The following KCNH1 variants were observed in gnomAD, a reference collection of about 807,000 sequenced individuals.
KCNH1 encodes voltage-gated delayed rectifier potassium channel KCNH1.
KCNH1 carries 27 observed loss-of-function variants against 69.2 expected under a neutral mutation model. That is an observed-to-expected ratio of 0.39 (90% CI 0.29 to 0.54). KCNH1 has a LOEUF of 0.54. KCNH1 is among the 20% of genes least tolerant of loss of function. The pLI, the probability that KCNH1 is intolerant of heterozygous loss-of-function variation, is 0.68. For missense variants in KCNH1, 798 were observed against 1,261.6 expected (o/e 0.63, Z 5.57); for synonymous variants, 456 against 487.7 (o/e 0.93, Z 0.86).
intron 6 of KCNH1, among the ~76,000 whole-genome samples, chr1:210,966,159 A>G (rs891714901): frequency 1.3e-5 from 2 of 152,104 alleles, no homozygotes; most frequent in African/African-American, 2.4e-5. Context: ...AACAAATGGT[A>G]TTGGGAAAAC....
At chr1:211,004,362 T>C (rs1196578114) in intron 6 of KCNH1, among the ~76,000 whole-genome samples, 2 of 152,100 alleles carry the variant, frequency 1.3e-5, no homozygotes, top group Non-Finnish European at 2.9e-5. Flanking sequence ...ACAATGAATA[T>C]ACATATAGTA....
intron 7 of KCNH1, among the ~76,000 whole-genome samples, chr1:210,869,928 A>T (rs1686203811): frequency 6.6e-6 from 1 of 152,120 alleles, no homozygotes; most frequent in African/African-American, 2.4e-5. Flanking sequence ...TACAAGAGGA[A>T]TGCTATAAAG....
intron 3 of KCNH1, among the ~76,000 whole-genome samples, chr1:211,095,304 T>A (rs1428069387): frequency 1.3e-5 from 2 of 152,182 alleles, no homozygotes; most frequent in Non-Finnish European, 2.9e-5. Flanking sequence ...TGAAGAAAGA[T>A]CTATGTACAC....
intron 6 of KCNH1, among the ~76,000 whole-genome samples, chr1:210,934,343 T>A (rs949300877): frequency 2.2e-4 from 33 of 152,136 alleles, no homozygotes; most frequent in Non-Finnish European, 4.4e-5. Flanking sequence ...GCAAAACATT[T>A]AAAATAATCT....
intron 10 of KCNH1, among the ~76,000 whole-genome samples, chr1:210,771,371 G>A (rs1683751199): frequency 6.6e-6 from 1 of 152,178 alleles, no homozygotes; most frequent in Non-Finnish European, 1.5e-5. Context: ...GGCCAAAACA[G>A]TGGGCAAATG....
At chr1:210,728,558 T>C (rs1558443367) in intron 10 of KCNH1, among the ~76,000 whole-genome samples, 1 of 152,198 alleles carries the variant, frequency 6.6e-6, no homozygotes, top group Non-Finnish European at 1.5e-5. Context: ...TTCTATGTCA[T>C]TTACTTAAAA....
intron 10 of KCNH1, among the ~76,000 whole-genome samples, chr1:210,742,554 A>G (rs548731469): frequency 1.3e-5 from 2 of 152,246 alleles, no homozygotes; most frequent in Admixed American, 6.5e-5. Flanking sequence ...TTCTTATTGG[A>G]TGGTGCTGAA....
intron 5 of KCNH1, among the ~76,000 whole-genome samples, chr1:211,047,011 T>A (rs1314680055): frequency 6.6e-6 from 1 of 152,220 alleles, no homozygotes; most frequent in East Asian, 1.9e-4. Flanking sequence ...TTTAATCCAA[T>A]AATTTAATGT....
intron 6 of KCNH1, among the ~76,000 whole-genome samples, chr1:210,945,510 A>G (rs1687943057): frequency 6.6e-6 from 1 of 152,234 alleles, no homozygotes; most frequent in South Asian, 2.1e-4. Context: ...GTAGGAGGCC[A>G]GAGCAGAGGA....
At chr1:210,988,266 A>G (rs6540643) in intron 6 of KCNH1, among the ~76,000 whole-genome samples, 135,910 of 152,100 alleles carry the variant, frequency 0.89, 61,082 homozygotes, top group East Asian at 1. Context: ...TTCAGATCAC[A>G]CATGGTGTGC....
chr1:210,925,194 C>A (rs1052239492), intron 6 of KCNH1, among the ~76,000 whole-genome samples: 1 of 152,140 alleles, frequency 6.6e-6, no homozygotes, highest in South Asian at 2.1e-4. Flanking sequence ...AAAAGGAATT[C>A]AAAACAACGC....
rs1681191295 is a variant in KCNH1 at position 210,678,558 on chromosome 1, T to C, written c.*4723A>G. On this transcript the variant is annotated 3_prime_UTR_variant, in exon 11 of 11. Transcript: ENST00000271751. ...ATGCTCATTTGGACAAAGTGACAGATGCAAAGGAAAAAGAAAACCCAATAA... is the reference window on the plus strand; with the variant it reads ...ATGCTCATTTGGACAAAGTGACAGACGCAAAGGAAAAAGAAAACCCAATAA... 6.6e-6 allele frequency: 1 copy of C among 151,972 alleles called. No homozygotes were observed. The highest frequency in any genetic ancestry group is 1.5e-5 in the Non-Finnish European group (1 of 68,012). 9.4% of individuals were successfully genotyped at this position (151,972 alleles called of 1,614,324 possible). A position where few individuals can be genotyped will look rare whatever the true frequency, so the allele number is the denominator to read the frequency against.
intron 5 of KCNH1, among the ~76,000 whole-genome samples, chr1:211,037,673 C>T (rs1185048551): frequency 2.0e-5 from 3 of 152,056 alleles, no homozygotes; most frequent in Non-Finnish European, 4.4e-5. Flanking sequence ...CAAAACCAGG[C>T]ACATCGGCCA....
intron 10 of KCNH1, among the ~76,000 whole-genome samples, chr1:210,727,183 A>G (rs2149029414): frequency 6.6e-6 from 1 of 152,324 alleles, no homozygotes. Flanking sequence ...GTGTATTTCA[A>G]TGGGAGAAAA....
intron 7 of KCNH1, among the ~76,000 whole-genome samples, chr1:210,823,964 C>CTTG (rs145764488): frequency 1.1e-4 from 6 of 56,288 alleles, no homozygotes; most frequent in African/African-American, 1.8e-4. Flanking sequence ...GGCTTTTTTA[C>CTTG]TTGTTGTTGT....
At position 210,784,293 on chromosome 1, in the gene KCNH1, G is replaced by A. The variant is rs192754996; in HGVS notation, c.1916-8749C>T. Among the ~76,000 whole-genome samples, 14 of 152,336 alleles carry A rather than the reference G, an allele frequency of 9.2e-5. No individual in the cohort carries two copies. In the East Asian group the frequency reaches 2.7e-3, roughly 29 times the overall value. The stretch of plus-strand genomic sequence containing the variant: ...CTCTTATCTGTAGTAAAGGTACAAA[G>A]CTCTGCTTTTTATCCTTACTGCAAA... On this transcript the variant is annotated intron_variant, in intron 9 of 10. Transcript: ENST00000271751.
chr1:210,997,116 G>A (rs985121879), intron 6 of KCNH1, among the ~76,000 whole-genome samples: 2 of 152,204 alleles, frequency 1.3e-5, no homozygotes, highest in African/African-American at 2.4e-5. Context: ...TCTCCTCCTC[G>A]AAAGAAACAC....
intron 10 of KCNH1, among the ~76,000 whole-genome samples, chr1:210,692,043 G>T (rs1681539099): frequency 6.6e-6 from 1 of 152,168 alleles, no homozygotes; most frequent in Non-Finnish European, 1.5e-5. Flanking sequence ...GTTCTCAGGG[G>T]ACCTGGTCCA....
intron 5 of KCNH1, among the ~76,000 whole-genome samples, chr1:211,055,163 G>C (rs941732614): frequency 2.0e-5 from 3 of 152,098 alleles, no homozygotes; most frequent in Admixed American, 6.6e-5. Context: ...CACTGAAAAG[G>C]GTAGAAAAGA....
Sources: gnomAD v4.1 joint callset for allele counts (sites outside exome capture counted in the v4.1 genomes callset) on GRCh38, gnomAD v4.1.1 for gene constraint, MANE v1.5 for transcripts, NCBI Gene and HGNC (gene_info 2026-07-23, HGNC 2026-07-21) for gene names.